The following SPOCK3 variants were observed in gnomAD, a reference collection of about 807,000 sequenced individuals.
SPOCK3 encodes the protein SPARC (osteonectin), cwcv and kazal like domains proteoglycan 3, also known as testican-3.
In SPOCK3, 30 loss-of-function variants were observed where a neutral mutation model predicts 56.6. That is an observed-to-expected ratio of 0.53 (90% CI 0.40 to 0.72). The LOEUF is 0.72. Among genes scored for constraint, SPOCK3 ranks in the 30% least tolerant of loss-of-function variants. The probability of loss-of-function intolerance (pLI) is 0.00; values close to 1 mark genes in which losing one functional copy is unlikely to be tolerated. For synonymous variants in SPOCK3, 196 were observed against 183.3 expected, an observed-to-expected ratio of 1.07 and a Z score of -0.56; for missense variants, 527 against 530.0, an observed-to-expected ratio of 0.99 and a Z score of 0.06.
chr4:167,032,270 A>G (rs981986537), intron 3 of SPOCK3, among the ~76,000 whole-genome samples: 2 of 151,996 alleles, frequency 1.3e-5, no homozygotes, highest in African/African-American at 4.8e-5. Flanking sequence ...AAAGATGCTC[A>G]GTTAATATCA....
intron 2 of SPOCK3, among the ~76,000 whole-genome samples, chr4:167,222,585 AATAT>A (rs1333173610): frequency 7.0e-6 from 1 of 141,924 alleles, no homozygotes; most frequent in East Asian, 2.0e-4. Context: ...TTCATATATG[AATAT>A]ATAATATATA....
At chr4:166,914,391 C>G (rs1737615790) in intron 4 of SPOCK3, among the ~76,000 whole-genome samples, 1 of 151,666 alleles carries the variant, frequency 6.6e-6, no homozygotes, top group Non-Finnish European at 1.5e-5. Context: ...TAATAAATTT[C>G]TCTTATAAAT....
At chr4:167,025,853 G>A (rs927648131) in intron 3 of SPOCK3, among the ~76,000 whole-genome samples, 4 of 152,044 alleles carry the variant, frequency 2.6e-5, no homozygotes, top group African/African-American at 9.7e-5. Flanking sequence ...ATCGTAGAGT[G>A]TACTTACACA....
intron 4 of SPOCK3, among the ~76,000 whole-genome samples, chr4:166,999,899 T>C (rs916389790): frequency 6.6e-6 from 1 of 152,280 alleles, no homozygotes; most frequent in Admixed American, 6.5e-5. Flanking sequence ...GAAGGCATCC[T>C]GAGGGGTTCA....
At chr4:167,037,725 C>T (rs1752891912) in intron 3 of SPOCK3, among the ~76,000 whole-genome samples, 2 of 152,098 alleles carry the variant, frequency 1.3e-5, no homozygotes, top group African/African-American at 2.4e-5. Flanking sequence ...GAATGTGTCA[C>T]CTAGAACACC....
intron 2 of SPOCK3, among the ~76,000 whole-genome samples, chr4:167,135,628 T>A (rs1763048990): frequency 6.6e-6 from 1 of 151,822 alleles, no homozygotes; most frequent in African/African-American, 2.4e-5. Flanking sequence ...ACATATACAA[T>A]GTCTCACCAT....
intron 2 of SPOCK3, among the ~76,000 whole-genome samples, chr4:167,135,485 C>G (rs1338497607): frequency 6.6e-6 from 1 of 152,130 alleles, no homozygotes; most frequent in Non-Finnish European, 1.5e-5. Flanking sequence ...TAGTTGTAAT[C>G]TTTCTCACTG....
At chr4:167,048,080 C>G (rs1005514579) in intron 3 of SPOCK3, among the ~76,000 whole-genome samples, 9 of 151,874 alleles carry the variant, frequency 5.9e-5, no homozygotes, top group African/African-American at 2.2e-4. Flanking sequence ...TTCCTGAGTT[C>G]CATATATGGT....
At chr4:166,832,755 C>T (rs758662223) in intron 6 of SPOCK3, among the ~76,000 whole-genome samples, 8 of 152,074 alleles carry the variant, frequency 5.3e-5, no homozygotes, top group African/African-American at 1.2e-4. Context: ...CTTGCAGCAG[C>T]GTAGATGCAG....
intron 6 of SPOCK3, among the ~76,000 whole-genome samples, chr4:166,844,150 T>G (rs775018439): frequency 8.5e-5 from 13 of 152,220 alleles, no homozygotes; most frequent in Non-Finnish European, 1.5e-4. Flanking sequence ...ACTGATGTCT[T>G]GTGTTTCTTT....
chr4:167,104,037 T>C (rs1580300934), intron 2 of SPOCK3, among the ~76,000 whole-genome samples: 1 of 152,182 alleles, frequency 6.6e-6, no homozygotes, highest in Non-Finnish European at 1.5e-5. Flanking sequence ...AGGCTTTTGG[T>C]GGACCCTGAT....
chr4:166,830,624 C>T (rs545344712), intron 6 of SPOCK3, among the ~76,000 whole-genome samples: 15 of 152,184 alleles, frequency 9.9e-5, no homozygotes, highest in Middle Eastern at 3.4e-3. Flanking sequence ...ATCCTAGATA[C>T]TTGAAAGACT....
At chr4:167,090,615 T>C (rs1407763868) in intron 2 of SPOCK3, among the ~76,000 whole-genome samples, 1 of 152,094 alleles carries the variant, frequency 6.6e-6, no homozygotes, top group Non-Finnish European at 1.5e-5. Context: ...GTGATTCTCC[T>C]GCCTCAGCCT....
At chr4:167,067,270 A>G (rs1019207874) in intron 2 of SPOCK3, among the ~76,000 whole-genome samples, 1 of 151,886 alleles carries the variant, frequency 6.6e-6, no homozygotes, top group Non-Finnish European at 1.5e-5. Context: ...AAAGCACCAC[A>G]CTTTTAAATA....
intron 6 of SPOCK3, among the ~76,000 whole-genome samples, chr4:166,871,219 G>C (rs910305596): frequency 6.6e-6 from 1 of 151,888 alleles, no homozygotes; most frequent in Non-Finnish European, 1.5e-5. Context: ...AAAAACAGAA[G>C]TCAATGTAAC....
At position 167,036,004 on chromosome 4, in the gene SPOCK3, T is replaced by C. The variant is rs769140850; in HGVS notation, c.235+26488A>G. On this transcript the variant is annotated intron_variant, in intron 3 of 10. Transcript: ENST00000357545. ...GCTTAAATATCACTACAGATTACAT[T>C]TGAGCTTCCGCTGAACGCAGCTCCC... Among the ~76,000 whole-genome samples the C allele has an allele frequency of 7.2e-5, 11 of 152,200 alleles. 1 individual carries two copies. The highest frequency in any genetic ancestry group is 4.1e-4 in the South Asian group (2 of 4,830).
At chr4:166,774,525 C>T (rs558654519) in intron 7 of SPOCK3, among the ~76,000 whole-genome samples, 10 of 152,286 alleles carry the variant, frequency 6.6e-5, no homozygotes, top group South Asian at 4.1e-4. Flanking sequence ...ACAGCCATCT[C>T]GGGCAGAATG....
chr4:166,979,437 C>T (rs1305217941), intron 4 of SPOCK3, among the ~76,000 whole-genome samples: 1 of 152,094 alleles, frequency 6.6e-6, no homozygotes, highest in Non-Finnish European at 1.5e-5. Context: ...TTGTTTTTTC[C>T]CCAAAATCTA....
At chr4:166,793,831 A>G (rs1002287097) in intron 6 of SPOCK3, among the ~76,000 whole-genome samples, 4 of 152,174 alleles carry the variant, frequency 2.6e-5, no homozygotes, top group African/African-American at 9.7e-5. Flanking sequence ...CAGGTGGGAA[A>G]GTAAGGTAAA....
Sources: allele counts gnomAD v4.1 joint callset (sites outside exome capture counted in the v4.1 genomes callset), GRCh38; gene constraint gnomAD v4.1.1; transcripts MANE v1.5; gene names NCBI Gene and HGNC (gene_info 2026-07-23, HGNC 2026-07-21).